Variants in CPSF2 observed in about 807,000 individuals in gnomAD.
CPSF2 encodes cleavage and polyadenylation specificity factor subunit 2.
Under a neutral mutation model 84.2 loss-of-function variants are expected in CPSF2, and 51 were observed. The ratio of observed to expected loss-of-function variants is 0.61; its 90% CI spans 0.48 to 0.77. The LOEUF (loss-of-function observed/expected upper bound fraction) is 0.77, where lower values mean the gene tolerates loss of function less well. Among genes scored for constraint, CPSF2 ranks in the 30% least tolerant of loss-of-function variants. The pLI, the probability that CPSF2 is intolerant of heterozygous loss-of-function variation, is 0.00. For synonymous variants in CPSF2, 286 were observed against 311.9 expected (o/e 0.92, Z 0.87); for missense variants, 641 against 929.4 (o/e 0.69, Z 4.03).
chr14:92,132,983 C>G (rs867962442), intron 3 of CPSF2, among the ~76,000 whole-genome samples: 9 of 152,024 alleles, frequency 5.9e-5, no homozygotes, highest in Admixed American at 1.3e-4. Flanking sequence ...CCCAGCTACT[C>G]AGGAGGCTGA....
intron 1 of CPSF2, among the ~76,000 whole-genome samples, chr14:92,123,418 G>C (rs1166203054): frequency 6.6e-6 from 1 of 150,646 alleles, no homozygotes; most frequent in African/African-American, 2.4e-5. Context: ...TATTATTTGA[G>C]ACCGGGTCTC....
intron 3 of CPSF2, among the ~76,000 whole-genome samples, chr14:92,133,670 T>C (rs962332554): frequency 2.2e-4 from 33 of 151,826 alleles, no homozygotes; most frequent in African/African-American, 7.3e-4. Context: ...TTTGCCATGT[T>C]GCCCAGGCTG....
At chr14:92,156,953 C>T (rs74074437) in intron 12 of CPSF2, among the ~76,000 whole-genome samples, 1,862 of 152,250 alleles carry the variant, frequency 0.012, 41 homozygotes, top group African/African-American at 0.042. Flanking sequence ...AATAATGTGA[C>T]TCACAGTTTA....
At chr14:92,123,663 T>C (rs886463548) in intron 1 of CPSF2, among the ~76,000 whole-genome samples, 1 of 152,174 alleles carries the variant, frequency 6.6e-6, no homozygotes, top group African/African-American at 2.4e-5. Context: ...CCTCCCAAAG[T>C]GTTGAGATTA....
At chr14:92,155,382 A>G in intron 11 of CPSF2, 59 bp downstream of exon 11, 1 of 1,355,614 alleles carries the variant, frequency 7.4e-7, no homozygotes, top group South Asian at 1.2e-5. Flanking sequence ...CTGTGTTATC[A>G]TTTCATTTCA....
At chr14:92,158,710 C>T (rs192226963) in intron 13 of CPSF2, among the ~76,000 whole-genome samples, 1 of 152,220 alleles carries the variant, frequency 6.6e-6, no homozygotes, top group East Asian at 1.9e-4. Context: ...ATGTTAGAAA[C>T]ACTGGATATG....
rs769654333 is a variant in CPSF2 at position 92,143,140 on chromosome 14, G to A, written c.986G>A (p.Ser329Asn). ...RVPSPKVVLA[S>N]QPDLECGFSR... ...CCTAGCCCTAAAGTTGTACTTGCCA[G>A]CCAACCTGACCTGGAATGCGGATTT... Residue 329 changes from serine to asparagine, a missense_variant, in exon 9 of 16, where the codon AGC becomes AAC. By Grantham distance (46) the Ser-to-Asn change is conservative (BLOSUM62 1). This residue lies in a region of CPSF2 where 430 missense variants were observed against 553.6 expected (regional missense o/e 0.78). Coordinates refer to ENST00000298875, the MANE Select transcript of CPSF2 (RefSeq NM_017437.3). The A allele has an allele frequency of 3.0e-5, 48 of 1,613,952 alleles. No homozygotes were observed. The highest frequency in any genetic ancestry group is 4.1e-5 in the Non-Finnish European group (48 of 1,180,036).
chr14:92,130,360 C>G (rs868265895), intron 2 of CPSF2, among the ~76,000 whole-genome samples: 1 of 151,920 alleles, frequency 6.6e-6, no homozygotes, highest in African/African-American at 2.4e-5. Flanking sequence ...GACCACTGGT[C>G]TAATTAATGG....
At chr14:92,151,730 T>A (rs566191666) in intron 9 of CPSF2, among the ~76,000 whole-genome samples, 2 of 152,188 alleles carry the variant, frequency 1.3e-5, no homozygotes, top group African/African-American at 4.8e-5. Flanking sequence ...TAAAGAGATT[T>A]GCAAAAATAT....
Position 92,165,404 on chromosome 14 carries a change from G to C in CPSF2, c.*3660G>C, listed in dbSNP as rs762101242. 6.6e-6 allele frequency: 1 copy of C among 152,132 alleles called. No homozygotes were observed. 9.4% of individuals were successfully genotyped at this position (152,132 alleles called of 1,614,324 possible). ...TTTGCATTTCCACCAGCATGTGTTT[G>C]AGGGTTCCATTTTCTCCTCATTCTT... On this transcript the variant is annotated 3_prime_UTR_variant, in exon 16 of 16. Coordinates refer to ENST00000298875, the MANE Select transcript of CPSF2 (RefSeq NM_017437.3).
chr14:92,131,313 A>C (rs1256031242), intron 3 of CPSF2, among the ~76,000 whole-genome samples, 180 bp downstream of exon 3: 1 of 152,214 alleles, frequency 6.6e-6, no homozygotes, highest in Non-Finnish European at 1.5e-5. Flanking sequence ...ATTGACTTAT[A>C]AGCTTTGCTT....
chr14:92,124,957 A>C (rs2068826969), intron 1 of CPSF2, among the ~76,000 whole-genome samples: 1 of 152,162 alleles, frequency 6.6e-6, no homozygotes, highest in South Asian at 2.1e-4. Flanking sequence ...GGAATTTGTA[A>C]GGAGGTGGAA....
intron 9 of CPSF2, among the ~76,000 whole-genome samples, chr14:92,144,524 A>T (rs1429698665): frequency 1.3e-5 from 2 of 152,200 alleles, no homozygotes. Context: ...ACAGTCTGTC[A>T]TCCTTCCAGC....
Position 92,165,597 on chromosome 14 carries a change from T to G in CPSF2, c.*3853T>G, listed in dbSNP as rs185709942. 111 of 152,200 alleles carry G rather than the reference T, an allele frequency of 7.3e-4. No homozygotes were observed. Among genetic ancestry groups the G allele is most frequent in the African/African-American group, 2.6e-3 (107 of 41,536 alleles). 9.4% of individuals were successfully genotyped at this position (152,200 alleles called of 1,614,324 possible). On this transcript the variant is annotated 3_prime_UTR_variant, in exon 16 of 16. Coordinates refer to ENST00000298875, the MANE Select transcript of CPSF2 (RefSeq NM_017437.3). ...TTGGAGTAATATCTGTTCATATCCT[T>G]TGTCCATTTTCAATTTGTTTATGTT...
chr14:92,165,855 T>TTTTTTTTTTTTTTTTG lies in CPSF2; in HGVS notation c.*4126_*4127insGTTTTTTTTTTTTTTT, dbSNP rs2069439428. On this transcript the variant is annotated 3_prime_UTR_variant, in exon 16 of 16. Transcript: ENST00000298875. Reference sequence around the variant, plus strand: ...AGTTCTTTGTGCTTGGTTTTATATCTTTTTTTTTTTTTTTTTTTTTTTTTG... The same window carrying TTTTTTTTTTTTTTTTG: ...AGTTCTTTGTGCTTGGTTTTATATCTTTTTTTTTTTTTTTTGTTTTTTTTTTTTTTTTTTTTTTTTG... 1.3e-5 allele frequency: 1 copy of TTTTTTTTTTTTTTTTG among 77,496 alleles called. No homozygotes were observed. Among genetic ancestry groups the TTTTTTTTTTTTTTTTG allele is most frequent in the African/African-American group, 6.2e-5 (1 of 16,112 alleles). 4.8% of individuals were successfully genotyped at this position (77,496 alleles called of 1,614,324 possible).
Position 92,163,717 on chromosome 14 carries a change from G to GT in CPSF2, c.*1982dup, listed in dbSNP as rs1021272883. On this transcript the variant is annotated 3_prime_UTR_variant, in exon 16 of 16. Transcript: ENST00000298875. Reference sequence around the variant, plus strand: ...TGAGTTCTCATGAGATCTGATGGGTGTTTTTTTTTGTTTTGTTTTTTGTTT... The same window carrying GT: ...TGAGTTCTCATGAGATCTGATGGGTGTTTTTTTTTTGTTTTGTTTTTTGTTT... The GT allele has an allele frequency of 1.3e-4, 19 of 151,244 alleles. No individual in the cohort carries two copies. The South Asian group carries it at 1.5e-3, about 12-fold the overall frequency. 9.4% of individuals were successfully genotyped at this position (151,244 alleles called of 1,614,324 possible).
At chr14:92,143,351 G>A (rs2069103880) in intron 9 of CPSF2, 57 bp downstream of exon 9, 1 of 1,166,534 alleles carries the variant, frequency 8.6e-7, no homozygotes, top group African/African-American at 1.5e-5. Flanking sequence ...CATTGTGCAT[G>A]ATGTAAAAAA....
chr14:92,159,033 A>C lies in CPSF2; in HGVS notation c.1872A>C (p.Lys624Asn). 1 of 1,614,108 alleles carries C rather than the reference A, an allele frequency of 6.2e-7. No individual in the cohort carries two copies. Among genetic ancestry groups the C allele is most frequent in the Non-Finnish European group, 8.5e-7 (1 of 1,179,966 alleles). Residue 624 changes from lysine (K) to asparagine (N), a missense_variant, in exon 14 of 16, where the codon AAA becomes AAC. By Grantham distance (94) the Lys-to-Asn change is moderately conservative. Transcript: ENST00000298875. ...GCTCTCTTCAGTTTTGTAAGGCAAA[A>C]GATGCTGAATTAGCTTGGATAGATG... ...LVSSLQFCKA[K>N]DAELAWIDGV... is the part of the protein sequence containing the mutation.
intron 3 of CPSF2, among the ~76,000 whole-genome samples, chr14:92,132,295 G>T (rs1396637361): frequency 6.6e-6 from 1 of 151,418 alleles, no homozygotes; most frequent in Non-Finnish European, 1.5e-5. Context: ...CCACCCGGCC[G>T]GCTAAGTTTT....
Sources: allele counts gnomAD v4.1 joint callset (sites outside exome capture counted in the v4.1 genomes callset), GRCh38; gene constraint gnomAD v4.1.1; regional missense constraint gnomAD v4.1.1; transcripts MANE v1.5; gene names NCBI Gene and HGNC (gene_info 2026-07-23, HGNC 2026-07-21).